Variants in LARGE1 observed in about 807,000 individuals in gnomAD.
The protein encoded by LARGE1 is LARGE xylosyl- and glucuronyltransferase 1, also known as xylosyl- and glucuronyltransferase LARGE1.
A neutral mutation model predicts 87.6 loss-of-function variants in LARGE1; 43 were observed. The observed-to-expected ratio is 0.49, with a 90% CI of 0.38 to 0.63. The LOEUF (loss-of-function observed/expected upper bound fraction) is 0.63, where lower values mean the gene tolerates loss of function less well. LARGE1 is among the 30% of genes least tolerant of loss of function. The probability of loss-of-function intolerance (pLI) is 0.00; values close to 1 mark genes in which losing one functional copy is unlikely to be tolerated. For missense variants in LARGE1, 802 were observed against 1,000.2 expected, an observed-to-expected ratio of 0.80 and a Z score of 2.67; for synonymous variants, 434 against 394.6, an observed-to-expected ratio of 1.10 and a Z score of -1.18.
rs553478300 is a variant in LARGE1, at chr22:33,850,026, G to C, written c.-83+69969C>G. On this transcript the variant is annotated intron_variant, in intron 1 of 14. Coordinates refer to ENST00000397394, the MANE Select transcript of LARGE1 (RefSeq NM_133642.5). ...CAGGGTCAGATGGCTGGTAGGGGGT[G>C]GGGGTGCAATGATCTGGTTCTGTAG... is the stretch of plus-strand genomic sequence containing the variant. Among the ~76,000 whole-genome samples the C allele has an allele frequency of 6.6e-5, 10 of 152,274 alleles. No individual in the cohort carries two copies. The South Asian group carries it at 2.1e-3, about 32-fold the overall frequency.
intron 6 of LARGE1, among the ~76,000 whole-genome samples, chr22:33,485,769 T>C (rs2069547060): frequency 6.6e-6 from 1 of 152,094 alleles, no homozygotes; most frequent in Non-Finnish European, 1.5e-5. Flanking sequence ...ACCCCCTATT[T>C]AACACAGTAT....
At chr22:33,819,799 C>T (rs903982609) in intron 1 of LARGE1, among the ~76,000 whole-genome samples, 1 of 152,184 alleles carries the variant, frequency 6.6e-6, no homozygotes, top group Non-Finnish European at 1.5e-5. Flanking sequence ...AGTTTCTTCT[C>T]CTATACTCTG....
intron 6 of LARGE1, among the ~76,000 whole-genome samples, chr22:33,507,546 G>C (rs1289470394): frequency 6.6e-6 from 1 of 152,136 alleles, no homozygotes; most frequent in African/African-American, 2.4e-5. Flanking sequence ...CCAGAAGCTG[G>C]GGGAGGGGAG....
intron 6 of LARGE1, among the ~76,000 whole-genome samples, chr22:33,465,082 G>C (rs1226633278): frequency 6.6e-6 from 1 of 152,148 alleles, no homozygotes; most frequent in Non-Finnish European, 1.5e-5. Flanking sequence ...TATGACAAAA[G>C]AATAGATCAA....
At chr22:33,395,550 A>G (rs2065710273) in intron 7 of LARGE1, among the ~76,000 whole-genome samples, 1 of 152,202 alleles carries the variant, frequency 6.6e-6, no homozygotes, top group Non-Finnish European at 1.5e-5. Flanking sequence ...TGCATTATGA[A>G]AACTGTTTAA....
intron 11 of LARGE1, among the ~76,000 whole-genome samples, chr22:33,259,503 C>T (rs1012492): frequency 1 from 152,318 of 152,318 alleles, 76,159 homozygotes; most frequent in Non-Finnish European, 1. Context: ...GCACAGTACG[C>T]GTGTGTGCAT....
At chr22:33,886,758 A>T (rs1456995345) in intron 1 of LARGE1, among the ~76,000 whole-genome samples, 2 of 151,988 alleles carry the variant, frequency 1.3e-5, no homozygotes, top group Non-Finnish European at 2.9e-5. Flanking sequence ...AAGACATTAA[A>T]ATTAAAAAAT....
chr22:33,613,357 G>C (rs1321005954), intron 4 of LARGE1, among the ~76,000 whole-genome samples: 2 of 152,132 alleles, frequency 1.3e-5, no homozygotes, highest in African/African-American at 2.4e-5. Context: ...ACCTTTCTTG[G>C]AGCTTCTGTG....
At chr22:33,767,246 G>A (rs993525438) in intron 1 of LARGE1, among the ~76,000 whole-genome samples, 6 of 151,052 alleles carry the variant, frequency 4.0e-5, no homozygotes, top group East Asian at 1.9e-4. Context: ...TGCTTGAACC[G>A]GGGAGGCGGA....
intron 10 of LARGE1, among the ~76,000 whole-genome samples, 190 bp from the exon 11 acceptor site, chr22:33,316,438 G>A (rs1936170412): frequency 6.6e-6 from 1 of 152,174 alleles, no homozygotes; most frequent in Non-Finnish European, 1.5e-5. Flanking sequence ...AAAAGGTGAT[G>A]GTAAAAATCA....
At chr22:33,192,509 A>C (rs1923837065) in intron 11 of LARGE1, among the ~76,000 whole-genome samples, 2 of 152,300 alleles carry the variant, frequency 1.3e-5, no homozygotes, top group Middle Eastern at 3.4e-3. Context: ...CCCTTAAAAA[A>C]AAATCTGGTT....
At chr22:33,261,497 G>C (rs7285363) in intron 11 of LARGE1, among the ~76,000 whole-genome samples, 1 of 151,916 alleles carries the variant, frequency 6.6e-6, no homozygotes, top group Non-Finnish European at 1.5e-5. Flanking sequence ...TAATTCAAAC[G>C]TGGCTCTCAG....
the LARGE1 span, among the ~76,000 whole-genome samples, chr22:33,111,891 T>C: frequency 1.3e-5 from 2 of 151,952 alleles, no homozygotes; most frequent in East Asian, 3.9e-4. Context: ...GGAATGACAG[T>C]GGAAAGCAAG....
intron 7 of LARGE1, among the ~76,000 whole-genome samples, chr22:33,404,152 TGTG>T (rs2066017566): frequency 6.6e-6 from 1 of 152,038 alleles, no homozygotes; most frequent in Admixed American, 6.6e-5. Context: ...AGCTGGGAGA[TGTG>T]GTGAAATTTT....
chr22:33,501,010 C>T (rs931953330), intron 6 of LARGE1, among the ~76,000 whole-genome samples: 15 of 152,236 alleles, frequency 9.9e-5, no homozygotes, highest in African/African-American at 3.4e-4. Context: ...GGTGCGGGCG[C>T]CCATGGAAGG....
At chr22:33,475,667 C>T (rs993330308) in intron 6 of LARGE1, among the ~76,000 whole-genome samples, 5 of 151,840 alleles carry the variant, frequency 3.3e-5, no homozygotes, top group African/African-American at 7.3e-5. Flanking sequence ...TTCTCCAAGT[C>T]GGTCAGAGTG....
intron 6 of LARGE1, among the ~76,000 whole-genome samples, chr22:33,433,847 C>T (rs1255927848): frequency 6.6e-6 from 1 of 152,132 alleles, no homozygotes; most frequent in African/African-American, 2.4e-5. Flanking sequence ...GATATAGCAT[C>T]TCCTTGGTAT....
Position 33,382,005 on chromosome 22 carries a change from C to T in LARGE1, c.1045G>A (p.Val349Met). 2 of 1,614,072 alleles carry T rather than the reference C, an allele frequency of 1.2e-6. No individual in the cohort carries two copies. The highest frequency in any genetic ancestry group is 1.7e-6 in the Non-Finnish European group (2 of 1,180,002). The change falls in exon 9 of 15, where the codon GTG becomes ATG. Residue 349 changes from valine (V) to methionine (M), a missense_variant. By Grantham distance (21) the Val-to-Met change is conservative (BLOSUM62 1). This residue lies in a region of LARGE1 where 625 missense variants were observed against 841.9 expected (regional missense o/e 0.74). Coordinates refer to ENST00000397394, the MANE Select transcript of LARGE1 (RefSeq NM_133642.5). ...TTCCAGAAGCAGGGGAGCTGGTACACAAGGAAGGGGTTTTGTTTGATGACG... is the reference window on the plus strand; with the variant it reads ...TTCCAGAAGCAGGGGAGCTGGTACATAAGGAAGGGGTTTTGTTTGATGACG... ...NAVIKQNPFL[V>M]YQLPCFWNVQ...
chr22:33,427,157 C>A (rs765148927), intron 7 of LARGE1, among the ~76,000 whole-genome samples: 2 of 152,212 alleles, frequency 1.3e-5, no homozygotes, highest in Non-Finnish European at 2.9e-5. Context: ...CTGCTCACAG[C>A]TGAATGCTGG....
Sources: gnomAD v4.1 joint callset for allele counts (sites outside exome capture counted in the v4.1 genomes callset) on GRCh38, gnomAD v4.1.1 for gene constraint, gnomAD v4.1.1 regional missense constraint, MANE v1.5 for transcripts, NCBI Gene and HGNC (gene_info 2026-07-23, HGNC 2026-07-21) for gene names.